Variants in SUMF1 observed in about 807,000 individuals in gnomAD.
SUMF1 encodes the protein sulfatase modifying factor 1.
SUMF1 carries 48 observed loss-of-function variants against 47.6 expected under a neutral mutation model. The observed-to-expected ratio is 1.01, with a 90% CI of 0.80 to 1.28. The LOEUF is 1.28. Among genes scored for constraint, SUMF1 ranks in the 50% most tolerant of loss-of-function variants. The probability of loss-of-function intolerance (pLI) is 0.00; values close to 1 mark genes in which losing one functional copy is unlikely to be tolerated. For missense variants in SUMF1, 571 were observed against 485.4 expected, an observed-to-expected ratio of 1.18 and a Z score of -1.66; for synonymous variants, 230 against 192.1, an observed-to-expected ratio of 1.20 and a Z score of -1.63.
At chr3:4,054,851 T>C (rs1028931681) in intron 9 of SUMF1, among the ~76,000 whole-genome samples, 2 of 152,198 alleles carry the variant, frequency 1.3e-5, no homozygotes, top group East Asian at 3.8e-4. Flanking sequence ...TTATTTCATA[T>C]GCACAACAGA....
chr3:4,152,533 TC>T (rs1332358051), intron 8 of SUMF1, among the ~76,000 whole-genome samples: 2 of 150,902 alleles, frequency 1.3e-5, no homozygotes, highest in Non-Finnish European at 2.9e-5. Flanking sequence ...GCTCAAGTGA[TC>T]CTCCCTCCTC....
intron 7 of SUMF1, among the ~76,000 whole-genome samples, chr3:4,381,515 T>C (rs1041146028): frequency 6.6e-6 from 1 of 152,188 alleles, no homozygotes; most frequent in African/African-American, 2.4e-5. Context: ...ATAATAAACA[T>C]GTCATTTGAC....
chr3:4,456,036 G>C (rs1703149395), intron 1 of SUMF1, among the ~76,000 whole-genome samples: 1 of 152,110 alleles, frequency 6.6e-6, no homozygotes, highest in Non-Finnish European at 1.5e-5. Context: ...AAATTAAGTG[G>C]GGTTTATCCC....
At chr3:4,048,961 G>A (rs186618475) in intron 9 of SUMF1, among the ~76,000 whole-genome samples, 3 of 152,158 alleles carry the variant, frequency 2.0e-5, no homozygotes, top group Admixed American at 1.3e-4. Flanking sequence ...AACATCCAAG[G>A]CTTCTAAGTA....
intron 8 of SUMF1, among the ~76,000 whole-genome samples, chr3:4,125,331 A>G (rs1413763251): frequency 6.6e-6 from 1 of 152,182 alleles, no homozygotes; most frequent in Non-Finnish European, 1.5e-5. Context: ...TTCTGTAATC[A>G]TAGGAAGATT....
chr3:4,299,711 G>A (rs1272743127), intron 8 of SUMF1, among the ~76,000 whole-genome samples: 1 of 152,194 alleles, frequency 6.6e-6, no homozygotes, highest in African/African-American at 2.4e-5. Context: ...TCAAGAGGCT[G>A]AGGCAGGAAG....
chr3:4,303,385 G>T, intron 8 of SUMF1: 1 of 1,555,116 alleles, frequency 6.4e-7, no homozygotes, highest in Non-Finnish European at 8.7e-7. Flanking sequence ...TCGCGGAAGC[G>T]GCAAAGACGA....
At chr3:4,234,880 A>G (rs886958793) in intron 8 of SUMF1, among the ~76,000 whole-genome samples, 3 of 152,190 alleles carry the variant, frequency 2.0e-5, no homozygotes, top group African/African-American at 7.2e-5. Context: ...AAGTGGGCTA[A>G]CAAGGTCTGA....
intron 8 of SUMF1, among the ~76,000 whole-genome samples, chr3:4,083,254 G>A (rs770430106): frequency 6.6e-6 from 1 of 152,062 alleles, no homozygotes; most frequent in African/African-American, 2.4e-5. Context: ...GGAACCTCAC[G>A]GACAGTCTGC....
intron 8 of SUMF1, among the ~76,000 whole-genome samples, chr3:4,222,815 G>T (rs577557631): frequency 6.6e-6 from 1 of 152,186 alleles, no homozygotes; most frequent in Admixed American, 6.5e-5. Context: ...GAGATTCAGA[G>T]AATGTTGAGC....
chr3:4,208,882 A>G (rs897124268), intron 8 of SUMF1, among the ~76,000 whole-genome samples: 1 of 152,074 alleles, frequency 6.6e-6, no homozygotes, highest in African/African-American at 2.4e-5. Flanking sequence ...GAGAAGAAAG[A>G]GATCTGTTGC....
chr3:4,286,639 G>A (rs914900166), intron 8 of SUMF1, among the ~76,000 whole-genome samples: 1 of 151,958 alleles, frequency 6.6e-6, no homozygotes. Flanking sequence ...TCATTAATGA[G>A]GAAAATATAA....
intron 8 of SUMF1, among the ~76,000 whole-genome samples, chr3:4,138,301 C>T (rs1693992280): frequency 6.6e-6 from 1 of 152,110 alleles, no homozygotes; most frequent in African/African-American, 2.4e-5. Flanking sequence ...GAGGACTGAC[C>T]TTTCACCTCA....
chr3:4,066,599 C>T (rs1308691125), intron 9 of SUMF1, among the ~76,000 whole-genome samples: 1 of 152,126 alleles, frequency 6.6e-6, no homozygotes, highest in Non-Finnish European at 1.5e-5. Flanking sequence ...TTCCTCCTGA[C>T]TGCTTCCTTA....
At chr3:4,244,424 C>T (rs377349153) in intron 8 of SUMF1, among the ~76,000 whole-genome samples, 10 of 152,292 alleles carry the variant, frequency 6.6e-5, no homozygotes, top group African/African-American at 2.2e-4. Flanking sequence ...TTTACTGCAT[C>T]CTTCAGGAGC....
rs1490646264 is a variant in SUMF1 at position 4,324,707 on chromosome 3, A to G, written c.1014+51623T>C. Among the ~76,000 whole-genome samples the G allele has an allele frequency of 3.9e-5, 6 of 152,286 alleles. No individual in the cohort carries two copies. In the East Asian group the frequency reaches 1.2e-3, roughly 29 times the overall value. Reference sequence around the variant, plus strand: ...AGGGAGTAGAGGAAATAAGGCTGACATGGGGTTGTGAAATTACAGTTATCT... The same window carrying G: ...AGGGAGTAGAGGAAATAAGGCTGACGTGGGGTTGTGAAATTACAGTTATCT... On this transcript the variant is annotated intron_variant and NMD_transcript_variant, in intron 8 of 12. Transcript: ENST00000448413.
chr3:4,239,159 G>A (rs1696480007), intron 8 of SUMF1, among the ~76,000 whole-genome samples: 1 of 152,120 alleles, frequency 6.6e-6, no homozygotes. Context: ...CCCGTACCAT[G>A]CTATTTTGGT....
intron 8 of SUMF1, among the ~76,000 whole-genome samples, chr3:4,304,305 C>T (rs1355711266): frequency 2.0e-5 from 3 of 152,136 alleles, no homozygotes; most frequent in African/African-American, 7.2e-5. Flanking sequence ...CCACGCCCGG[C>T]TAATTTTTGT....
chr3:4,278,385 G>A (rs1232193005), intron 8 of SUMF1, among the ~76,000 whole-genome samples: 1 of 152,026 alleles, frequency 6.6e-6, no homozygotes, highest in African/African-American at 2.4e-5. Flanking sequence ...TACCTTTAAT[G>A]AAAGGTCATT....
Sources: gnomAD v4.1 joint callset for allele counts (sites outside exome capture counted in the v4.1 genomes callset) on GRCh38, gnomAD v4.1.1 for gene constraint, MANE v1.5 for transcripts, NCBI Gene and HGNC (gene_info 2026-07-23, HGNC 2026-07-21) for gene names.